LIFR: variants seen among roughly 807,000 people sequenced by gnomAD.
LIFR encodes leukemia inhibitory factor receptor.
LIFR carries 84 observed loss-of-function variants against 122.2 expected under a neutral mutation model. The ratio of observed to expected loss-of-function variants is 0.69; its 90% confidence interval spans 0.58 to 0.82. The LOEUF (loss-of-function observed/expected upper bound fraction) is 0.82. Ranked by LOEUF, LIFR falls within the 40% of genes least tolerant of loss-of-function variation. The pLI, the probability that LIFR is intolerant of heterozygous loss-of-function variation, is 0.00. For missense variants in LIFR, 1,294 were observed against 1,311.6 expected (o/e 0.99, Z 0.21); for synonymous variants, 422 against 434.7 (o/e 0.97, Z 0.36).
At chr5:38,600,697 C>T (rs1423994245) in intron 2 of LIFR, among the ~76,000 whole-genome samples, 4 of 152,142 alleles carry the variant, frequency 2.6e-5, no homozygotes, top group Non-Finnish European at 5.9e-5. Context: ...TCTCTTGGTC[C>T]CCTAAAAGAA....
intron 2 of LIFR, 141 bp from the exon 3 acceptor site, chr5:38,528,981 G>GTTT: frequency 3.6e-5 from 18 of 493,664 alleles, no homozygotes; most frequent in Middle Eastern, 5.7e-4. Context: ...GAGAGCCCAT[G>GTTT]TTTTTTTTTT....
Position 38,493,671 on chromosome 5 carries a change from G to T in LIFR, c.2000C>A (p.Ser667Ter). The change falls in exon 14 of 20, where the codon TCG becomes TAG. Residue 667 changes from serine to a stop codon, truncating the protein, a stop_gained. Coordinates refer to ENST00000453190, the MANE Select transcript of LIFR (RefSeq NM_001127671.2). LOFTEE classifies it high-confidence loss of function. ...TCTCCAGTCCATAAGGCATGGTTCC[G>T]ACCGAGACGAGTTACACCACTTAAT... ...YVIKWCNSSR[S>*]EPCLMDWRKV... 1 of 1,614,124 alleles carries T rather than the reference G, an allele frequency of 6.2e-7. No homozygotes were observed. The highest frequency in any genetic ancestry group is 8.5e-7 in the Non-Finnish European group (1 of 1,180,010).
intron 1 of LIFR, among the ~76,000 whole-genome samples, chr5:38,556,110 G>A (rs1041625096): frequency 6.6e-6 from 1 of 152,176 alleles, no homozygotes; most frequent in Admixed American, 6.5e-5. Flanking sequence ...GCGTGGGGCA[G>A]AAGTTCTGGG....
rs939599668 is a variant in LIFR, at chr5:38,569,379, G to A, written c.-20+25882C>T. On this transcript the variant is annotated intron_variant, in intron 1 of 19. Coordinates refer to the LIFR transcript ENST00000263409. ...TGTTAGGAACCCTGCTCAGCAGGAGGTGAGAAGCAGGAGGCTGCTCAGCAG... is the reference window on the plus strand; with the variant it reads ...TGTTAGGAACCCTGCTCAGCAGGAGATGAGAAGCAGGAGGCTGCTCAGCAG... 3.3e-5 allele frequency among the ~76,000 whole-genome samples: 5 copies of A among 152,284 alleles called. No individual in the cohort carries two copies. The South Asian group carries it at 6.2e-4, about 19-fold the overall frequency.
At chr5:38,512,561 G>A (rs1368361028) in intron 5 of LIFR, among the ~76,000 whole-genome samples, 2 of 152,156 alleles carry the variant, frequency 1.3e-5, no homozygotes, top group African/African-American at 4.8e-5. Flanking sequence ...GGTCTATTGA[G>A]CCTGGAAAGT....
At chr5:38,504,634 T>C (rs1005915163) in intron 9 of LIFR, among the ~76,000 whole-genome samples, 3 of 152,112 alleles carry the variant, frequency 2.0e-5, no homozygotes, top group Admixed American at 6.6e-5. Flanking sequence ...GAGATGCCAA[T>C]AATGAAGGTA....
chr5:38,544,043 G>A (rs62355824), intron 1 of LIFR, among the ~76,000 whole-genome samples: 8,017 of 151,690 alleles, frequency 0.053, 249 homozygotes, highest in Middle Eastern at 0.095. Context: ...CTTCCCTATC[G>A]GCCTCTACCC....
intron 16 of LIFR, among the ~76,000 whole-genome samples, chr5:38,486,838 A>T (rs1461969168): frequency 1.3e-5 from 2 of 152,194 alleles, no homozygotes; most frequent in African/African-American, 2.4e-5. Flanking sequence ...ATTCGTATAG[A>T]AACATCGGAA....
At chr5:38,521,792 CA>C (rs1195002178) in intron 5 of LIFR, among the ~76,000 whole-genome samples, 2 of 152,246 alleles carry the variant, frequency 1.3e-5, no homozygotes, top group East Asian at 3.9e-4. Context: ...CCGCAGGTAG[CA>C]TGTGCAGTAG....
Position 38,482,623 on chromosome 5 carries a change from C to T in LIFR, c.2636G>A (p.Cys879Tyr). 1 of 1,501,694 alleles carries T rather than the reference C, an allele frequency of 6.7e-7. No homozygotes were observed. Among genetic ancestry groups the T allele is most frequent in the Non-Finnish European group, 9.1e-7 (1 of 1,104,868 alleles). 93.0% of individuals were successfully genotyped at this position (1,501,694 alleles called of 1,614,324 possible). Residue 879 changes from cysteine (C) to tyrosine (Y), a missense_variant, in exon 19 of 20, where the codon TGT becomes TAT. Cys to Tyr is a radical substitution (Grantham distance 194). Coordinates refer to ENST00000453190, the MANE Select transcript of LIFR (RefSeq NM_001127671.2). ...FYPDIPNPEN[C>Y]KALQFQKSVC... is the part of the protein sequence containing the mutation. ...ACTCTTTTGAAACTGTAATGCTTTA[C>T]AGTTTTCTGGATTTGGAATATCAGG...
At chr5:38,588,873 CA>C (rs1180503822) in intron 1 of LIFR, among the ~76,000 whole-genome samples, 1 of 152,070 alleles carries the variant, frequency 6.6e-6, no homozygotes, top group Non-Finnish European at 1.5e-5. Flanking sequence ...ATTATTTCCC[CA>C]AATCATCTAT....
intron 16 of LIFR, 53 bp downstream of exon 16, chr5:38,489,025 G>C (rs999844306): frequency 5.5e-6 from 8 of 1,467,362 alleles, no homozygotes; most frequent in African/African-American, 1.4e-5. Context: ...TTTCTGTTGT[G>C]GTTAATGAGA....
chr5:38,497,247 C>A (rs564560794), intron 12 of LIFR, among the ~76,000 whole-genome samples: 2 of 152,268 alleles, frequency 1.3e-5, no homozygotes, highest in African/African-American at 2.4e-5. Context: ...TGTGCCACTG[C>A]ACTCCAGACT....
At chr5:38,503,088 A>C (rs762089781) in intron 10 of LIFR, among the ~76,000 whole-genome samples, 53 of 152,304 alleles carry the variant, frequency 3.5e-4, no homozygotes, top group Non-Finnish European at 6.2e-4. Flanking sequence ...ATAATGGTCA[A>C]TTAAATTATC....
At chr5:38,571,029 A>C (rs937527643) in intron 1 of LIFR, among the ~76,000 whole-genome samples, 2 of 152,232 alleles carry the variant, frequency 1.3e-5, no homozygotes, top group Non-Finnish European at 2.9e-5. Flanking sequence ...GAAAATGAAT[A>C]AGCCCTAGTG....
At chr5:38,575,651 G>C (rs1749361634) in intron 1 of LIFR, among the ~76,000 whole-genome samples, 1 of 152,192 alleles carries the variant, frequency 6.6e-6, no homozygotes, top group South Asian at 2.1e-4. Flanking sequence ...TCCATGGGCA[G>C]CTGTGGTTTG....
intron 1 of LIFR, among the ~76,000 whole-genome samples, chr5:38,535,344 T>C (rs1236623562): frequency 6.6e-6 from 1 of 152,212 alleles, no homozygotes; most frequent in Non-Finnish European, 1.5e-5. Context: ...GTCCACAGGT[T>C]AGATGCCATC....
chr5:38,604,976 C>T (rs1437797904), intron 2 of LIFR, among the ~76,000 whole-genome samples: 1 of 152,116 alleles, frequency 6.6e-6, no homozygotes, highest in Non-Finnish European at 1.5e-5. Context: ...AAGAGTTACT[C>T]TCAGTATTAT....
chr5:38,604,960 G>T lies in LIFR; in HGVS notation n.305+1245C>A, dbSNP rs188547432. On this transcript the variant is annotated intron_variant and non_coding_transcript_variant, in intron 2 of 3. Transcript: ENST00000507786. ...TTTAAGCGTATTCTGACTGGTGATTGGTTGAAAGAGTTACTCTCAGTATTA... is the reference window on the plus strand; with the variant it reads ...TTTAAGCGTATTCTGACTGGTGATTTGTTGAAAGAGTTACTCTCAGTATTA... 4.6e-5 allele frequency among the ~76,000 whole-genome samples: 7 copies of T among 152,210 alleles called. No individual in the cohort carries two copies. The East Asian group carries it at 1.4e-3, about 29-fold the overall frequency.
Sources: allele counts gnomAD v4.1 joint callset (sites outside exome capture counted in the v4.1 genomes callset), GRCh38; gene constraint gnomAD v4.1.1; transcripts MANE v1.5; gene names NCBI Gene and HGNC (gene_info 2026-07-23, HGNC 2026-07-21).